The following UBASH3B variants were observed in gnomAD, a reference collection of about 807,000 sequenced individuals.
UBASH3B encodes ubiquitin-associated and SH3 domain-containing protein B.
In UBASH3B, 37 loss-of-function variants were observed where a neutral mutation model predicts 83.4. The observed-to-expected ratio is 0.44, with a 90% CI of 0.34 to 0.58. The LOEUF (loss-of-function observed/expected upper bound fraction) is 0.58, where lower values mean the gene tolerates loss of function less well. Among genes scored for constraint, UBASH3B ranks in the 20% least tolerant of loss-of-function variants. UBASH3B has a pLI of 0.01. For synonymous variants in UBASH3B, 304 were observed against 318.3 expected (o/e 0.96, Z 0.48); for missense variants, 657 against 827.2 (o/e 0.79, Z 2.52).
At chr11:122,761,844 T>A in intron 1 of UBASH3B, among the ~76,000 whole-genome samples, 1 of 127,044 alleles carries the variant, frequency 7.9e-6, no homozygotes, top group East Asian at 2.5e-4. Context: ...CAGGCTGGAG[T>A]ACAGTGGCAT....
intron 1 of UBASH3B, among the ~76,000 whole-genome samples, chr11:122,673,140 G>C (rs908883477): frequency 2.0e-5 from 3 of 152,202 alleles, no homozygotes; most frequent in Admixed American, 1.3e-4. Context: ...TTTGGGAAGG[G>C]ATTACTGCTG....
chr11:122,811,895 C>A lies in UBASH3B; in HGVS notation c.*2009C>A, dbSNP rs1181776676. 1 of 152,164 alleles carries A rather than the reference C, an allele frequency of 6.6e-6. No individual in the cohort carries two copies. Among genetic ancestry groups the A allele is most frequent in the East Asian group, 1.9e-4 (1 of 5,200 alleles). The allele number at this position is 152,164 out of a possible 1,614,324, so 9.4% of individuals were successfully genotyped here. On this transcript the variant is annotated 3_prime_UTR_variant, in exon 14 of 14. Transcript: ENST00000284273. ...TAATGAAGTGAATCCACTGTTTAAT[C>A]AGATCCATAATCTTTAACAGATTCA...
chr11:122,658,419 CT>C (rs1473482002), intron 1 of UBASH3B, among the ~76,000 whole-genome samples: 1 of 152,190 alleles, frequency 6.6e-6, no homozygotes, highest in Non-Finnish European at 1.5e-5. Context: ...CTTGACATGT[CT>C]TGACAGATTA....
intron 1 of UBASH3B, among the ~76,000 whole-genome samples, chr11:122,695,648 G>A (rs993697115): frequency 6.6e-6 from 1 of 151,558 alleles, no homozygotes; most frequent in Non-Finnish European, 1.5e-5. Flanking sequence ...TATGCACATC[G>A]TGTTTTATGC....
In UBASH3B at chr11:122,718,488, T is replaced by C. The variant is rs574014398; in HGVS notation, c.162-57731T>C. On this transcript the variant is annotated intron_variant, in intron 1 of 13. Coordinates refer to ENST00000284273, the MANE Select transcript of UBASH3B (RefSeq NM_032873.5). Reference sequence around the variant, plus strand: ...CAGCCGTGTGACCTTGGGCAAGTTATTGAAGCTTTGAACACTGGCTTCTTG... The same window carrying C: ...CAGCCGTGTGACCTTGGGCAAGTTACTGAAGCTTTGAACACTGGCTTCTTG... Among the ~76,000 whole-genome samples the C allele has an allele frequency of 6.8e-4, 103 of 152,278 alleles. 1 individual carries two copies. Among genetic ancestry groups the C allele is most frequent in the African/African-American group, 2.2e-3 (93 of 41,540 alleles).
chr11:122,780,095 A>G (rs1403656154), intron 4 of UBASH3B, among the ~76,000 whole-genome samples: 1 of 152,130 alleles, frequency 6.6e-6, no homozygotes, highest in Non-Finnish European at 1.5e-5. Flanking sequence ...TGTTCACTCC[A>G]TGACAATCCA....
At chr11:122,775,815 C>A (rs1464934689) in intron 1 of UBASH3B, 1 of 176,656 alleles carries the variant, frequency 5.7e-6, no homozygotes, top group East Asian at 1.7e-4. Flanking sequence ...AGCACCACTT[C>A]TAATACTTTC....
At chr11:122,786,331 G>A (rs1463094334) in intron 5 of UBASH3B, among the ~76,000 whole-genome samples, 2 of 151,496 alleles carry the variant, frequency 1.3e-5, no homozygotes, top group Non-Finnish European at 2.9e-5. Flanking sequence ...TTACAGGTGT[G>A]AGCCACAGTG....
chr11:122,804,177 A>G (rs1861300768), intron 11 of UBASH3B, among the ~76,000 whole-genome samples: 1 of 152,004 alleles, frequency 6.6e-6, no homozygotes, highest in Non-Finnish European at 1.5e-5. Context: ...TGGGCCTGGG[A>G]GATGAGGTGA....
intron 7 of UBASH3B, among the ~76,000 whole-genome samples, 162 bp from the exon 8 acceptor site, chr11:122,795,994 C>T (rs1861148697): frequency 1.3e-5 from 2 of 152,352 alleles, no homozygotes; most frequent in Non-Finnish European, 2.9e-5. Context: ...TTATTCCAGC[C>T]TCCAAATAAC....
chr11:122,807,384 G>T (rs1861360226), intron 12 of UBASH3B, among the ~76,000 whole-genome samples: 1 of 152,130 alleles, frequency 6.6e-6, no homozygotes, highest in Non-Finnish European at 1.5e-5. Context: ...TTGCACACCT[G>T]CTAAAATCTG....
chr11:122,748,206 C>T (rs1179566971), intron 1 of UBASH3B, among the ~76,000 whole-genome samples: 1 of 152,232 alleles, frequency 6.6e-6, no homozygotes, highest in Non-Finnish European at 1.5e-5. Flanking sequence ...CCAAACAAAT[C>T]GGTGTGGACA....
In UBASH3B at chr11:122,714,336, G is replaced by C. The variant is rs563983623; in HGVS notation, c.161+58126G>C. Among the ~76,000 whole-genome samples the C allele has an allele frequency of 3.3e-5, 5 of 152,292 alleles. No homozygotes were observed. The South Asian group carries it at 1.0e-3, about 32-fold the overall frequency. The stretch of plus-strand genomic sequence containing the variant: ...TCTTGGGGAGCTCACTACCTTACAA[G>C]GCCATTCAATTCTCTCTAAATCGGC... On this transcript the variant is annotated intron_variant, in intron 1 of 13. Transcript: ENST00000284273.
chr11:122,735,286 A>C (rs544552179), intron 1 of UBASH3B, among the ~76,000 whole-genome samples: 3 of 152,356 alleles, frequency 2.0e-5, no homozygotes, highest in Non-Finnish European at 4.4e-5. Context: ...CAGTTCTTAC[A>C]CTAGATGGGC....
intron 1 of UBASH3B, among the ~76,000 whole-genome samples, chr11:122,729,972 A>T (rs1428420477): frequency 1.7e-5 from 1 of 57,168 alleles, no homozygotes; most frequent in African/African-American, 7.4e-5. Context: ...GTGAGACCCT[A>T]TCTAAAAAAA....
chr11:122,744,448 G>A (rs1861078452), intron 1 of UBASH3B, among the ~76,000 whole-genome samples: 1 of 152,124 alleles, frequency 6.6e-6, no homozygotes, highest in Non-Finnish European at 1.5e-5. Flanking sequence ...GGCTGTGTGA[G>A]TGCCTATATA....
chr11:122,713,062 C>A (rs924468264), intron 1 of UBASH3B, among the ~76,000 whole-genome samples: 4 of 151,878 alleles, frequency 2.6e-5, no homozygotes, highest in Non-Finnish European at 5.9e-5. Context: ...CACCCGCCAC[C>A]ACGCCCAGCT....
chr11:122,809,690 A>G, intron 13 of UBASH3B, 59 bp from the exon 14 acceptor site: 1 of 1,577,604 alleles, frequency 6.3e-7, no homozygotes. Flanking sequence ...TATTTAGGTA[A>G]AAGTTAAAGC....
chr11:122,789,220 G>A lies in UBASH3B; in HGVS notation c.892G>A (p.Gly298Ser), dbSNP rs1443096021. 2 of 1,614,056 alleles carry A rather than the reference G, an allele frequency of 1.2e-6. No individual in the cohort carries two copies. The highest frequency in any genetic ancestry group is 1.1e-5 in the South Asian group (1 of 91,086). Residue 298 changes from glycine to serine, a missense_variant, in exon 6 of 14, where the codon GGC (glycine) becomes AGC (serine). By Grantham distance (56) the Gly-to-Ser change is moderately conservative. Coordinates refer to ENST00000284273, the MANE Select transcript of UBASH3B (RefSeq NM_032873.5). ...CAGCACCAGCGAGGGTTGGATCTAT[G>A]GCACGTCCTTAACCACCGGCTGCTC... ...QTSTSEGWIY[G>S]TSLTTGCSGL...
Sources: gnomAD v4.1 joint callset for allele counts (sites outside exome capture counted in the v4.1 genomes callset) on GRCh38, gnomAD v4.1.1 for gene constraint, MANE v1.5 for transcripts, NCBI Gene and HGNC (gene_info 2026-07-23, HGNC 2026-07-21) for gene names.